The following USO1 variants were observed in gnomAD, a reference collection of about 807,000 sequenced individuals.
The protein encoded by USO1 is USO1 vesicle transport factor.
In USO1, 57 loss-of-function variants were observed where a neutral mutation model predicts 124.5. That is an observed-to-expected ratio of 0.46 (90% confidence interval 0.37 to 0.57). USO1 has a LOEUF of 0.57. USO1 is among the 20% of genes least tolerant of loss of function. USO1 has a pLI of 0.00. For missense variants in USO1, 900 were observed against 1,040.6 expected (o/e 0.86, Z 1.86); for synonymous variants, 369 against 362.8 (o/e 1.02, Z -0.19).
At chr4:75,795,472 C>A in intron 13 of USO1, 1 of 662,566 alleles carries the variant, frequency 1.5e-6, no homozygotes, top group Non-Finnish European at 2.7e-6. Context: ...ACATTCTACT[C>A]ACACTTTTGC....
chr4:75,733,463 C>G (rs1018491021), intron 1 of USO1, among the ~76,000 whole-genome samples: 8 of 152,134 alleles, frequency 5.3e-5, no homozygotes, highest in Admixed American at 3.9e-4. Context: ...TCTATAACCT[C>G]TCTAACATCT....
intron 13 of USO1, among the ~76,000 whole-genome samples, chr4:75,794,342 T>A (rs1171995293): frequency 1.3e-5 from 2 of 152,206 alleles, no homozygotes; most frequent in African/African-American, 4.8e-5. Context: ...TATATAGTTA[T>A]ACAGTATATC....
At chr4:75,799,563 C>A (rs1281236290) in intron 13 of USO1, 59 bp from the exon 14 acceptor site, 9 of 1,589,152 alleles carry the variant, frequency 5.7e-6, no homozygotes, top group Non-Finnish European at 7.7e-6. Flanking sequence ...CTTAGGGCAA[C>A]TTTAAGTTTG....
intron 5 of USO1, 126 bp from the exon 6 acceptor site, chr4:75,770,696 T>C: frequency 6.8e-7 from 1 of 1,464,316 alleles, no homozygotes; most frequent in Non-Finnish European, 9.0e-7. Context: ...AACTATGTAA[T>C]CACTTAAAGT....
chr4:75,757,450 T>C (rs774011262), intron 3 of USO1, 47 bp from the exon 4 acceptor site: 6 of 1,400,580 alleles, frequency 4.3e-6, no homozygotes, highest in Non-Finnish European at 5.6e-6. Flanking sequence ...CATAACAGTT[T>C]ATACTCTCAT....
At chr4:75,731,638 A>G (rs1368934945) in intron 1 of USO1, among the ~76,000 whole-genome samples, 1 of 152,188 alleles carries the variant, frequency 6.6e-6, no homozygotes, top group African/African-American at 2.4e-5. Flanking sequence ...TGAATTGACT[A>G]TTAGCATGAA....
At chr4:75,806,391 A>T in intron 19 of USO1, 95 bp from the exon 20 acceptor site, 1 of 1,452,196 alleles carries the variant, frequency 6.9e-7, no homozygotes, top group Non-Finnish European at 9.3e-7. Flanking sequence ...TTTGGTAAGC[A>T]CATATGATAT....
At chr4:75,740,616 C>G (rs1720932418) in intron 1 of USO1, among the ~76,000 whole-genome samples, 1 of 152,164 alleles carries the variant, frequency 6.6e-6, no homozygotes, top group African/African-American at 2.4e-5. Context: ...TTCACTAATT[C>G]AGTTTTCATG....
intron 5 of USO1, 57 bp from the exon 6 acceptor site, chr4:75,770,765 G>GT: frequency 1.3e-6 from 2 of 1,573,652 alleles, no homozygotes; most frequent in South Asian, 1.2e-5. Flanking sequence ...TGGAAAAAAT[G>GT]TTTTTCTCGA....
In USO1 at chr4:75,793,205, C is replaced by CT. The variant is rs67560505; in HGVS notation, c.1241-462dup. On this transcript the variant is annotated intron_variant, in intron 12 of 23. Transcript: ENST00000514213. ...AACCTATGTTTCTTTTCTCTCTCTCCTTTTTTTTTTTTTTTTTTTTTTTGA... is the reference window on the plus strand; with the variant it reads ...AACCTATGTTTCTTTTCTCTCTCTCCTTTTTTTTTTTTTTTTTTTTTTTTGA... Among the ~76,000 whole-genome samples the CT allele has an allele frequency of 7.1e-3, 622 of 87,718 alleles. 9 individuals carry two copies. Among genetic ancestry groups the CT allele is most frequent in the African/African-American group, 0.011 (253 of 22,952 alleles). The allele number at this position is 87,718 out of a possible 152,430, so 57.5% of individuals were successfully genotyped here.
At chr4:75,764,550 C>T (rs1721710255) in intron 4 of USO1, among the ~76,000 whole-genome samples, 1 of 152,126 alleles carries the variant, frequency 6.6e-6, no homozygotes, top group Non-Finnish European at 1.5e-5. Flanking sequence ...TTTATGTTTA[C>T]ATATGTAAAA....
intron 1 of USO1, among the ~76,000 whole-genome samples, chr4:75,729,208 C>T (rs1018535972): frequency 3.9e-5 from 6 of 152,128 alleles, no homozygotes; most frequent in African/African-American, 1.4e-4. Flanking sequence ...TATTATAGTA[C>T]AAATCCTACT....
intron 1 of USO1, chr4:75,745,415 A>G (rs1721096115): frequency 2.0e-6 from 1 of 506,490 alleles, no homozygotes; most frequent in South Asian, 1.4e-5. Flanking sequence ...TTACTAAAAA[A>G]AAATTCTTGC....
intron 3 of USO1, among the ~76,000 whole-genome samples, chr4:75,755,967 G>A (rs1280735200): frequency 5.3e-5 from 8 of 151,970 alleles, no homozygotes; most frequent in African/African-American, 1.5e-4. Context: ...TCAGGAGATC[G>A]AGACCATCCT....
intron 1 of USO1, among the ~76,000 whole-genome samples, chr4:75,739,926 G>A (rs2149143282): frequency 6.6e-6 from 1 of 152,272 alleles, no homozygotes; most frequent in East Asian, 1.9e-4. Flanking sequence ...AGCACAAGAA[G>A]GCTGTGATGT....
intron 7 of USO1, among the ~76,000 whole-genome samples, chr4:75,774,178 AT>A (rs1185868222): frequency 6.6e-6 from 1 of 152,152 alleles, no homozygotes; most frequent in Non-Finnish European, 1.5e-5. Flanking sequence ...TTCCTTTTTT[AT>A]TTTGACTTAG....
rs1323873337 is a variant in USO1 at position 75,805,391 on chromosome 4, G to A, written c.2289+88G>A. 4.2e-6 allele frequency: 6 copies of A among 1,434,196 alleles called. No homozygotes were observed. The African/African-American group carries it at 8.8e-5, about 21-fold the overall frequency. 88.8% of individuals were successfully genotyped at this position (1,434,196 alleles called of 1,614,324 possible). ...TTTTTTTTTTCCTTGGATCTCTTAA[G>A]CCAGAATATCATATGTTAAGATTTT... On this transcript the variant is annotated intron_variant, in intron 19 of 23. Coordinates refer to ENST00000514213, the MANE Select transcript of USO1 (RefSeq NM_003715.4).
At chr4:75,797,749 C>G (rs1364262408) in intron 13 of USO1, among the ~76,000 whole-genome samples, 1 of 152,022 alleles carries the variant, frequency 6.6e-6, no homozygotes, top group Non-Finnish European at 1.5e-5. Flanking sequence ...TCAAGTGATT[C>G]GCCTGCCTCA....
intron 1 of USO1, among the ~76,000 whole-genome samples, chr4:75,725,733 A>T (rs1307376219): frequency 6.6e-6 from 1 of 152,158 alleles, no homozygotes; most frequent in Non-Finnish European, 1.5e-5. Flanking sequence ...TCGAGGGTGT[A>T]TGCCTTTTTG....
Sources: gnomAD v4.1 joint callset for allele counts (sites outside exome capture counted in the v4.1 genomes callset) on GRCh38, gnomAD v4.1.1 for gene constraint, MANE v1.5 for transcripts, NCBI Gene and HGNC (gene_info 2026-07-23, HGNC 2026-07-21) for gene names.